The following PELI3 variants were observed in gnomAD, a reference collection of about 807,000 sequenced individuals.
PELI3 encodes E3 ubiquitin-protein ligase pellino homolog 3.
PELI3 carries 19 observed loss-of-function variants against 35.5 expected under a neutral mutation model. The observed-to-expected ratio is 0.54, with a 90% confidence interval of 0.37 to 0.79. PELI3 has a LOEUF of 0.79. PELI3 is among the 30% of genes least tolerant of loss of function. The probability of loss-of-function intolerance (pLI) is 0.00; values close to 1 mark genes in which losing one functional copy is unlikely to be tolerated. For missense variants in PELI3, 490 were observed against 661.2 expected (o/e 0.74, Z 2.84); for synonymous variants, 262 against 279.2 (o/e 0.94, Z 0.62).
rs1307982644 is a variant in PELI3 at position 66,471,144 on chromosome 11, G to C, written c.225-98G>C. 2.8e-6 allele frequency: 4 copies of C among 1,425,192 alleles called. No individual in the cohort carries two copies. In the African/African-American group the frequency reaches 4.3e-5, roughly 15 times the overall value. The allele number at this position is 1,425,192 out of a possible 1,614,324, so 88.3% of individuals were successfully genotyped here. ...TGTTTATTAAGGTAGGATCTGCCTAGAAGTTGGCAGTTTCCTCCAAGTCTC... is the reference window on the plus strand; with the variant it reads ...TGTTTATTAAGGTAGGATCTGCCTACAAGTTGGCAGTTTCCTCCAAGTCTC... On this transcript the variant is annotated intron_variant, in intron 3 of 7. Coordinates refer to ENST00000320740, the MANE Select transcript of PELI3 (RefSeq NM_145065.3).
rs1301805558 is a variant in PELI3 at position 66,476,194 on chromosome 11, C to T, written c.*27C>T. 7.9e-6 allele frequency: 12 copies of T among 1,518,324 alleles called. No homozygotes were observed. The Admixed American group carries it at 2.4e-4, about 31-fold the overall frequency. 94.1% of individuals were successfully genotyped at this position (1,518,324 alleles called of 1,614,324 possible). On this transcript the variant is annotated 3_prime_UTR_variant, in exon 8 of 8. Transcript: ENST00000320740. The stretch of plus-strand genomic sequence containing the variant: ...CTCCCTGGGGCCCCCTGCTGCTGTG[C>T]CCACCTGCCCACCCAGGTCCCCACC...
chr11:66,474,237 T>G (rs1352809021), intron 7 of PELI3: 8 of 602,936 alleles, frequency 1.3e-5, no homozygotes, highest in Non-Finnish European at 2.3e-5. Context: ...TTAAAAAAAA[T>G]CACACCTTCT....
In PELI3 at chr11:66,475,909, T is replaced by C. The variant is rs773310999; in HGVS notation, c.1152T>C (p.Cys384=). The C allele has an allele frequency of 6.2e-7, 1 of 1,610,302 alleles. No homozygotes were observed. Among genetic ancestry groups the C allele is most frequent in the Non-Finnish European group, 8.5e-7 (1 of 1,178,696 alleles). Reference sequence around the variant, plus strand: ...AGCGGGGCCCCCAGGAGCGCGAATGTCCTCTCTGCCGCCTTGTGGGGCCTT... The same window carrying C: ...AGCGGGGCCCCCAGGAGCGCGAATGCCCTCTCTGCCGCCTTGTGGGGCCTT... ...RRERGPQERE[C]PLCRLVGPYV... is the part of the protein sequence containing the mutation. Residue 384 remains cysteine (C), a synonymous_variant, in exon 8 of 8, where the codon TGT becomes TGC. Coordinates refer to ENST00000320740, the MANE Select transcript of PELI3 (RefSeq NM_145065.3).
In PELI3 at chr11:66,466,948, A is replaced by T. The variant is rs1565255905; in HGVS notation, c.-81A>T. On this transcript the variant is annotated 5_prime_UTR_variant, in exon 1 of 8. Transcript: ENST00000320740. ...CGCGGAGCCGCCGCGGGCCGGGCCCATCCCGCCGCAGCGGCCCGGGGCCGA... is the reference window on the plus strand; with the variant it reads ...CGCGGAGCCGCCGCGGGCCGGGCCCTTCCCGCCGCAGCGGCCCGGGGCCGA... 6.6e-6 allele frequency: 1 copy of T among 150,816 alleles called. No homozygotes were observed. The highest frequency in any genetic ancestry group is 1.5e-5 in the Non-Finnish European group (1 of 67,506). The allele number at this position is 150,816 out of a possible 1,614,324, so 9.3% of individuals were successfully genotyped here. A position where few individuals can be genotyped will look rare whatever the true frequency, so the allele number is the denominator to read the frequency against.
rs1308047303 is a variant in PELI3 at position 66,476,152 on chromosome 11, G to A, written c.1395G>A (p.Gln465=). 2 of 1,555,228 alleles carry A rather than the reference G, an allele frequency of 1.3e-6. No homozygotes were observed. The highest frequency in any genetic ancestry group is 1.7e-6 in the Non-Finnish European group (2 of 1,156,214). Residue 465 remains glutamine, a synonymous_variant, in exon 8 of 8, where the codon CAG becomes CAA. Coordinates refer to ENST00000320740, the MANE Select transcript of PELI3 (RefSeq NM_145065.3). ...GEHGCVRLIF[Q]GPLD The stretch of plus-strand genomic sequence containing the variant: ...ATGGCTGCGTCCGCCTCATTTTCCA[G>A]GGCCCGCTGGATTAGGCTCCCTGGG...
At position 66,476,086 on chromosome 11, in the gene PELI3, T is replaced by C. The variant is rs562932339; in HGVS notation, c.1329T>C (p.His443=). The change falls in exon 8 of 8, where the codon CAT becomes CAC. Residue 443 remains histidine, a synonymous_variant. Transcript: ENST00000320740. ...TGCCCCACGGCACCCATGCTTTCCATGCCGCCTGCCCCTTTTGCGGGGCCT... is the reference window on the plus strand; with the variant it reads ...TGCCCCACGGCACCCATGCTTTCCACGCCGCCTGCCCCTTTTGCGGGGCCT... ...TPLPHGTHAF[H]AACPFCGAWL... 1 of 1,606,716 alleles carries C rather than the reference T, an allele frequency of 6.2e-7. No individual in the cohort carries two copies. Among genetic ancestry groups the C allele is most frequent in the South Asian group, 1.1e-5 (1 of 90,436 alleles).
upstream of PELI3, chr11:66,466,635 CGGG>C (rs1854534086): frequency 6.6e-6 from 1 of 152,158 alleles, no homozygotes; most frequent in Non-Finnish European, 1.5e-5. Context: ...GTGTAGACTA[CGGG>C]GGAGTCCTGA....
chr11:66,467,796 G>A lies in PELI3; in HGVS notation c.-1-332G>A, dbSNP rs886578389. ...AAGCAGGAACTGAGTCTGAGATGAGGGGTAACGGCCCCCAACTCATTGGGT... is the reference window on the plus strand; with the variant it reads ...AAGCAGGAACTGAGTCTGAGATGAGAGGTAACGGCCCCCAACTCATTGGGT... On this transcript the variant is annotated intron_variant, in intron 1 of 7. Transcript: ENST00000320740. This position sits in a 1 kb window ranked among gnomAD's most constrained non-coding sequence, Gnocchi z 4.2. Among the ~76,000 whole-genome samples the A allele has an allele frequency of 6.6e-6, 1 of 152,134 alleles. No homozygotes were observed. Among genetic ancestry groups the A allele is most frequent in the African/African-American group, 2.4e-5 (1 of 41,426 alleles).
chr11:66,473,758 A>G lies in PELI3; in HGVS notation c.673A>G (p.Thr225Ala). 1.2e-6 allele frequency: 2 copies of G among 1,613,712 alleles called. No homozygotes were observed. Among genetic ancestry groups the G allele is most frequent in the Non-Finnish European group, 1.7e-6 (2 of 1,179,944 alleles). The change falls in exon 7 of 8, where the codon ACC becomes GCC. Residue 225 changes from threonine to alanine, a missense_variant. Around this residue, in one of 3 missense-constraint regions of PELI3, gnomAD observed 349 missense variants for 484.8 expected, o/e 0.72. Coordinates refer to ENST00000320740, the MANE Select transcript of PELI3 (RefSeq NM_145065.3). The surrounding 1 kb of genome is among the most constrained non-coding windows in gnomAD (Gnocchi z 5.8). ...CCAGGAGCGAGCGGCCAAATGGCGG[A>G]CCCCAGATGGCCTGATGGATGGACT... Reference protein sequence around the residue: ...FLGERAAKWRTPDGLMDGLTT... With the variant: ...FLGERAAKWRAPDGLMDGLTT...
chr11:66,473,109 C>G lies in PELI3; in HGVS notation c.457-132C>G, dbSNP rs1854776900. On this transcript the variant is annotated intron_variant, in intron 5 of 7. Transcript: ENST00000320740. This position sits in a 1 kb window ranked among gnomAD's most constrained non-coding sequence, Gnocchi z 5.8. ...AGGGCCTATGGAGTTGGTGCTGCCC[C>G]TTCTCCAGGGCCTGGCAGCCTCCTT... 1.1e-6 allele frequency: 1 copy of G among 905,570 alleles called. No individual in the cohort carries two copies. Among genetic ancestry groups the G allele is most frequent in the Non-Finnish European group, 1.6e-6 (1 of 629,372 alleles). 56.1% of individuals were successfully genotyped at this position (905,570 alleles called of 1,614,324 possible). A position where few individuals can be genotyped will look rare whatever the true frequency, so the allele number is the denominator to read the frequency against.
chr11:66,473,559 C>T lies in PELI3; in HGVS notation c.651+124C>T. On this transcript the variant is annotated intron_variant, in intron 6 of 7. Coordinates refer to ENST00000320740, the MANE Select transcript of PELI3 (RefSeq NM_145065.3). The surrounding 1 kb of genome is among the most constrained non-coding windows in gnomAD (Gnocchi z 5.8). ...TCCAAATGGTGGTCCTGGCAGTTAG[C>T]AACCCCACCTAACTGATGAGCAAAG... The T allele has an allele frequency of 7.5e-7, 1 of 1,325,818 alleles. No individual in the cohort carries two copies. Among genetic ancestry groups the T allele is most frequent in the South Asian group, 1.4e-5 (1 of 70,326 alleles). 82.1% of individuals were successfully genotyped at this position (1,325,818 alleles called of 1,614,324 possible).
chr11:66,468,670 T>C (rs1854616505), intron 2 of PELI3, among the ~76,000 whole-genome samples, 163 bp from the exon 3 acceptor site: 1 of 152,184 alleles, frequency 6.6e-6, no homozygotes, highest in Non-Finnish European at 1.5e-5. Context: ...GTTTTGCAAA[T>C]GGGGATGATA....
Position 66,475,825 on chromosome 11 carries a change from C to T in PELI3, c.1068C>T (p.Pro356=). 1 of 1,607,732 alleles carries T rather than the reference C, an allele frequency of 6.2e-7. No individual in the cohort carries two copies. The highest frequency in any genetic ancestry group is 1.1e-5 in the South Asian group (1 of 90,510). ...GCACAGCGCCCGACAAACAGCAGCCCTGGGTCTACGTCCGCTGCGGGCACG... is the reference window on the plus strand; with the variant it reads ...GCACAGCGCCCGACAAACAGCAGCCTTGGGTCTACGTCCGCTGCGGGCACG... ...RGRTAPDKQQ[P]WVYVRCGHVH... The change falls in exon 8 of 8, where the codon CCC becomes CCT. Residue 356 remains proline (P), a synonymous_variant. Coordinates refer to ENST00000320740, the MANE Select transcript of PELI3 (RefSeq NM_145065.3).
chr11:66,476,068 C>A lies in PELI3; in HGVS notation c.1311C>A (p.His437Gln). ...ARYWAQTPLPHGTHAFHAACP... is the reference protein window; with the variant it reads ...ARYWAQTPLPQGTHAFHAACP... ...ACTGGGCCCAGACACCACTGCCCCA[C>A]GGCACCCATGCTTTCCATGCCGCCT... Residue 437 changes from histidine (H) to glutamine (Q), a missense_variant, in exon 8 of 8, where the codon CAC (histidine) becomes CAA (glutamine). Around this residue, in one of 3 missense-constraint regions of PELI3, gnomAD observed 349 missense variants for 484.8 expected, o/e 0.72. Coordinates refer to ENST00000320740, the MANE Select transcript of PELI3 (RefSeq NM_145065.3). The A allele has an allele frequency of 6.2e-7, 1 of 1,609,516 alleles. No individual in the cohort carries two copies. Among genetic ancestry groups the A allele is most frequent in the Non-Finnish European group, 8.5e-7 (1 of 1,179,260 alleles).
At position 66,476,178 on chromosome 11, in the gene PELI3, G is replaced by T. The variant is rs1427993645; in HGVS notation, c.*11G>T. 9 of 1,533,118 alleles carry T rather than the reference G, an allele frequency of 5.9e-6. No homozygotes were observed. The highest frequency in any genetic ancestry group is 2.2e-4 in the Middle Eastern group (1 of 4,522). The allele number at this position is 1,533,118 out of a possible 1,614,324, so 95.0% of individuals were successfully genotyped here. A position where few individuals can be genotyped will look rare whatever the true frequency, so the allele number is the denominator to read the frequency against. The stretch of plus-strand genomic sequence containing the variant: ...GGCCCGCTGGATTAGGCTCCCTGGG[G>T]CCCCCTGCTGCTGTGCCCACCTGCC... On this transcript the variant is annotated 3_prime_UTR_variant, in exon 8 of 8. Transcript: ENST00000320740.
At position 66,473,972 on chromosome 11, in the gene PELI3, A is replaced by G; in HGVS notation, c.840+47A>G. 6.2e-7 allele frequency: 1 copy of G among 1,603,352 alleles called. No individual in the cohort carries two copies. Among genetic ancestry groups the G allele is most frequent in the Non-Finnish European group, 8.5e-7 (1 of 1,177,602 alleles). On this transcript the variant is annotated intron_variant, in intron 7 of 7. Coordinates refer to ENST00000320740, the MANE Select transcript of PELI3 (RefSeq NM_145065.3). This position sits in a 1 kb window ranked among gnomAD's most constrained non-coding sequence, Gnocchi z 5.8. ...CCACCCCTATCCTTGCCAGGCCCTC[A>G]CAAGCTGCCCATCCCCCTGCCCAAG... is the stretch of plus-strand genomic sequence containing the variant.
Position 66,475,553 on chromosome 11 carries a change from G to A in PELI3, c.841-45G>A, listed in dbSNP as rs1854876932. On this transcript the variant is annotated intron_variant, in intron 7 of 7. Coordinates refer to ENST00000320740, the MANE Select transcript of PELI3 (RefSeq NM_145065.3). ...CTCTGTGGGATGGACCCGCGGCTCA[G>A]CAGGGGCCTCTTGGGCAGTAAGGCC... is the stretch of plus-strand genomic sequence containing the variant. 1.9e-6 allele frequency: 3 copies of A among 1,593,832 alleles called. No individual in the cohort carries two copies. The East Asian group carries it at 6.7e-5, about 36-fold the overall frequency.
At chr11:66,471,968 T>G (rs1022142888) in intron 4 of PELI3, among the ~76,000 whole-genome samples, 2 of 151,852 alleles carry the variant, frequency 1.3e-5, no homozygotes, top group South Asian at 4.2e-4. Context: ...CAAGCCATTC[T>G]CCTGCCTCAG....
chr11:66,468,272 C>A lies in PELI3; in HGVS notation c.144C>A (p.Ile48=). ...GEEPIKYGEL[I]VLGCCEEGGE... Reference sequence around the variant, plus strand: ...AGCCCATCAAGTATGGTGAACTCATCGTCCTGGGGTGAGCATCCCTGGCCT... The same window carrying A: ...AGCCCATCAAGTATGGTGAACTCATAGTCCTGGGGTGAGCATCCCTGGCCT... The change falls in exon 2 of 8, where the codon ATC becomes ATA. Residue 48 remains isoleucine (I), a synonymous_variant. Transcript: ENST00000320740. 6.6e-7 allele frequency: 1 copy of A among 1,511,300 alleles called. No homozygotes were observed. The highest frequency in any genetic ancestry group is 8.9e-7 in the Non-Finnish European group (1 of 1,123,304). 93.6% of individuals were successfully genotyped at this position (1,511,300 alleles called of 1,614,324 possible).
Sources: gnomAD v4.1 joint callset for allele counts (sites outside exome capture counted in the v4.1 genomes callset) on GRCh38, gnomAD v4.1.1 for gene constraint, gnomAD v4.1.1 regional missense constraint, Gnocchi (gnomAD v3.1) non-coding constraint, MANE v1.5 for transcripts, NCBI Gene and HGNC (gene_info 2026-07-23, HGNC 2026-07-21) for gene names.